Variants in AR observed in about 807,000 individuals in gnomAD.
AR encodes the protein androgen receptor.
In AR, 8 loss-of-function variants were observed where a neutral mutation model predicts 53.9. That is an observed-to-expected ratio of 0.15 (90% CI 0.09 to 0.27). The LOEUF (loss-of-function observed/expected upper bound fraction) is 0.27, where lower values mean the gene tolerates loss of function less well. Among genes scored for constraint, AR ranks in the 10% least tolerant of loss-of-function variants. The pLI, the probability that AR is intolerant of heterozygous loss-of-function variation, is 1.00. For synonymous variants in AR, 359 were observed against 316.4 expected (o/e 1.13, Z -1.43); for missense variants, 639 against 742.5 (o/e 0.86, Z 1.62).
rs201038724 is a variant in AR at position 67,546,340 on chromosome X, C to G, written c.1194C>G (p.Ala398=). 8.4e-7 allele frequency: 1 copy of G among 1,191,540 alleles called. No individual in the cohort carries two copies. ...KLENPLDYGS[A]WAAAAAQCRY... ...AGAACCCGCTGGACTACGGCAGCGC[C>G]TGGGCGGCTGCGGCGGCGCAGTGCC... Residue 398 remains alanine, a synonymous_variant, in exon 1 of 8, where the codon GCC becomes GCG. Coordinates refer to ENST00000374690, the MANE Select transcript of AR (RefSeq NM_000044.6).
At chrX:67,607,906 T>A (rs1436815369) in intron 1 of AR, among the ~76,000 whole-genome samples, 1 of 111,878 alleles carries the variant, frequency 8.9e-6, no homozygotes, top group Non-Finnish European at 1.9e-5. Flanking sequence ...TTGCATGAGC[T>A]GCCTGCCACC....
At chrX:67,586,052 G>T (rs1922528542) in intron 1 of AR, among the ~76,000 whole-genome samples, 2 of 111,477 alleles carry the variant, frequency 1.8e-5, no homozygotes, top group African/African-American at 6.5e-5. Flanking sequence ...TGTTTTTTAA[G>T]AGAAGACCCT....
chrX:67,560,459 C>T (rs1921247819), intron 1 of AR, among the ~76,000 whole-genome samples: 2 of 111,891 alleles, frequency 1.8e-5, no homozygotes, highest in Non-Finnish European at 3.8e-5. Flanking sequence ...GTCTATTAGT[C>T]TTTAAGCTCC....
intron 1 of AR, among the ~76,000 whole-genome samples, chrX:67,561,789 G>A (rs1393833780): frequency 9.0e-6 from 1 of 111,173 alleles, no homozygotes; most frequent in Non-Finnish European, 1.9e-5. Flanking sequence ...AGCTGTGAGA[G>A]AGACATGGAG....
intron 1 of AR, among the ~76,000 whole-genome samples, chrX:67,562,975 A>G (rs1921402253): frequency 8.9e-6 from 1 of 112,172 alleles, no homozygotes. Flanking sequence ...CTGTCTATCT[A>G]TTGGCTGAAT....
In AR at chrX:67,715,982, C is replaced by T. The variant is rs748637879; in HGVS notation, c.2174-1496C>T. Among the ~76,000 whole-genome samples, 3 of 111,952 alleles carry T rather than the reference C, an allele frequency of 2.7e-5. No homozygotes were observed. In the South Asian group the frequency reaches 1.1e-3, roughly 42 times the overall value. On this transcript the variant is annotated intron_variant, in intron 4 of 7. Transcript: ENST00000374690. Reference sequence around the variant, plus strand: ...CCAGGAGAACATGGCCATGTCTGTTCTACCTGTGTATTATTGTAGACGTAG... The same window carrying T: ...CCAGGAGAACATGGCCATGTCTGTTTTACCTGTGTATTATTGTAGACGTAG...
At chrX:67,631,460 G>C (rs1219535531) in intron 1 of AR, among the ~76,000 whole-genome samples, 1 of 111,678 alleles carries the variant, frequency 9.0e-6, no homozygotes, top group African/African-American at 3.3e-5. Flanking sequence ...CATTCTTCAC[G>C]TAGTTCTCGA....
chrX:67,727,874 C>T lies in AR; in HGVS notation c.*4033C>T, dbSNP rs1013524115. On this transcript the variant is annotated 3_prime_UTR_variant, in exon 8 of 8. Transcript: ENST00000374690. The stretch of plus-strand genomic sequence containing the variant: ...GGAATGCCAAAGCACCAGATCAAAT[C>T]CAAAACTTAAAGTCAAAATAAGCCA... 1 of 173,388 alleles carries T rather than the reference C, an allele frequency of 5.8e-6. No homozygotes were observed. The highest frequency in any genetic ancestry group is 2.9e-5 in the African/African-American group (1 of 33,983). The allele number at this position is 173,388 out of a possible 1,213,427, so 14.3% of individuals were successfully genotyped here.
At chrX:67,627,934 A>G (rs2147407142) in intron 1 of AR, among the ~76,000 whole-genome samples, 1 of 111,902 alleles carries the variant, frequency 8.9e-6, no homozygotes, top group South Asian at 3.7e-4. Context: ...TTTGTCAAAG[A>G]TCAGATAGTT....
chrX:67,654,818 A>G (rs964791750), intron 2 of AR, among the ~76,000 whole-genome samples: 9 of 99,582 alleles, frequency 9.0e-5, no homozygotes, highest in African/African-American at 2.6e-4. Context: ...AATATTTTTA[A>G]AAACTAAGCT....
chrX:67,621,167 C>T (rs967893846), intron 1 of AR, among the ~76,000 whole-genome samples: 1 of 111,743 alleles, frequency 8.9e-6, no homozygotes, highest in African/African-American at 3.2e-5. Flanking sequence ...GTTCTAGTCT[C>T]AGACTTGCCT....
At chrX:67,721,208 C>T (rs2076134347) in intron 5 of AR, among the ~76,000 whole-genome samples, 1 of 112,215 alleles carries the variant, frequency 8.9e-6, no homozygotes, top group Admixed American at 9.4e-5. Context: ...CATTCAAAAA[C>T]ACTCCCTGGC....
intron 2 of AR, among the ~76,000 whole-genome samples, chrX:67,683,776 G>A (rs1432794872): frequency 2.7e-5 from 3 of 111,420 alleles, no homozygotes; most frequent in Non-Finnish European, 5.6e-5. Context: ...TGAGTAAATT[G>A]TAAAGAATAT....
At chrX:67,659,328 T>C (rs753428217) in intron 2 of AR, among the ~76,000 whole-genome samples, 1 of 110,825 alleles carries the variant, frequency 9.0e-6, no homozygotes, top group South Asian at 3.9e-4. Flanking sequence ...TAACTCATCA[T>C]TTAACATTAG....
intron 1 of AR, among the ~76,000 whole-genome samples, chrX:67,594,633 C>T (rs1425796522): frequency 9.0e-6 from 1 of 111,389 alleles, no homozygotes; most frequent in African/African-American, 3.3e-5. Flanking sequence ...CTCTTCCTAC[C>T]TACTACTGCT....
chrX:67,695,821 T>A (rs188619593), intron 3 of AR: 38,353 of 668,877 alleles, frequency 0.057, 751 homozygotes, highest in Admixed American at 0.092. Context: ...TCTCTCTCTC[T>A]CACACACACA....
chrX:67,653,305 A>G (rs777052069), intron 2 of AR, among the ~76,000 whole-genome samples: 11 of 112,234 alleles, frequency 9.8e-5, no homozygotes, highest in Non-Finnish European at 1.9e-4. Context: ...GTCAGTGGCT[A>G]TGTGATGAAT....
In AR at chrX:67,545,527, C is replaced by T. The variant is rs1031938966; in HGVS notation, c.381C>T (p.Pro127=). The change falls in exon 1 of 8, where the codon CCC becomes CCT. Residue 127 remains proline, a synonymous_variant. Transcript: ENST00000374690. The part of the protein sequence containing the change: ...SQPQSALECH[P]ERGCVPEPGA... ...CGCAGTCGGCCCTGGAGTGCCACCC[C>T]GAGAGAGGTTGCGTCCCAGAGCCTG... The T allele has an allele frequency of 2.5e-6, 3 of 1,187,799 alleles. No individual in the cohort carries two copies. Among genetic ancestry groups the T allele is most frequent in the Non-Finnish European group, 3.4e-6 (3 of 883,566 alleles).
In AR at chrX:67,711,436, A is replaced by G. The variant is rs1358369017; in HGVS notation, c.1920A>G (p.Leu640=). Residue 640 remains leucine (L), a synonymous_variant, in exon 4 of 8, where the codon CTA becomes CTG. Coordinates refer to ENST00000374690, the MANE Select transcript of AR (RefSeq NM_000044.6). ...RKLKKLGNLK[L]QEEGEASSTT... ...TGAAGAAACTTGGTAATCTGAAACT[A>G]CAGGAGGAAGGAGAGGCTTCCAGCA... The G allele has an allele frequency of 1.7e-6, 2 of 1,199,803 alleles. No individual in the cohort carries two copies. The highest frequency in any genetic ancestry group is 3.0e-5 in the East Asian group (1 of 33,414).
Sources: gnomAD v4.1 joint callset for allele counts (sites outside exome capture counted in the v4.1 genomes callset) on GRCh38, gnomAD v4.1.1 for gene constraint, MANE v1.5 for transcripts, NCBI Gene and HGNC (gene_info 2026-07-23, HGNC 2026-07-21) for gene names.